The following ST6GALNAC5 variants were observed in gnomAD, a reference collection of about 807,000 sequenced individuals.
ST6GALNAC5 encodes the protein alpha-N-acetylgalactosaminide alpha-2,6-sialyltransferase 5.
In ST6GALNAC5, 27 loss-of-function variants were observed where a neutral mutation model predicts 33.6. The observed-to-expected ratio is 0.80, with a 90% CI of 0.59 to 1.11. The LOEUF (loss-of-function observed/expected upper bound fraction) is 1.11, where lower values mean the gene tolerates loss of function less well. ST6GALNAC5 is among the 50% of genes least tolerant of loss of function. The pLI is 0.00. For missense variants in ST6GALNAC5, 428 were observed against 454.0 expected, an observed-to-expected ratio of 0.94 and a Z score of 0.52; for synonymous variants, 194 against 171.2, an observed-to-expected ratio of 1.13 and a Z score of -1.04.
chr1:77,012,968 A>T, intron 2 of ST6GALNAC5, among the ~76,000 whole-genome samples: 1 of 152,150 alleles, frequency 6.6e-6, no homozygotes, highest in East Asian at 1.9e-4. Flanking sequence ...AAGGGTTGGG[A>T]AAGTCAAGTG....
intron 2 of ST6GALNAC5, among the ~76,000 whole-genome samples, chr1:76,894,455 G>C (rs114307432): frequency 2.0e-5 from 3 of 151,996 alleles, no homozygotes; most frequent in Non-Finnish European, 2.9e-5. Context: ...TAGCATGGGA[G>C]GTTGGAGCGC....
chr1:77,033,553 T>C (rs1651539728), intron 2 of ST6GALNAC5, among the ~76,000 whole-genome samples: 1 of 152,114 alleles, frequency 6.6e-6, no homozygotes, highest in Non-Finnish European at 1.5e-5. Context: ...TGTATTGGGC[T>C]CGGAAGAGGT....
chr1:76,968,095 G>C (rs146888972), intron 2 of ST6GALNAC5, among the ~76,000 whole-genome samples: 1 of 152,148 alleles, frequency 6.6e-6, no homozygotes, highest in Non-Finnish European at 1.5e-5. Flanking sequence ...CTGTCTATTA[G>C]GTCTGCTTGG....
At chr1:76,894,538 G>A (rs1009404674) in intron 2 of ST6GALNAC5, among the ~76,000 whole-genome samples, 3 of 152,118 alleles carry the variant, frequency 2.0e-5, no homozygotes, top group Non-Finnish European at 4.4e-5. Flanking sequence ...CCTTCCCTGA[G>A]GACTTGATAG....
chr1:77,017,502 C>T (rs1207060061), intron 2 of ST6GALNAC5, among the ~76,000 whole-genome samples: 1 of 152,156 alleles, frequency 6.6e-6, no homozygotes, highest in Non-Finnish European at 1.5e-5. Flanking sequence ...GCTGCTGCTC[C>T]GCTCTGCATG....
chr1:77,058,378 G>T (rs764346025), intron 4 of ST6GALNAC5, among the ~76,000 whole-genome samples: 3 of 152,228 alleles, frequency 2.0e-5, no homozygotes, highest in Non-Finnish European at 4.4e-5. Context: ...GGTCATGGGG[G>T]CAGATCCCTC....
At chr1:76,934,191 G>A (rs1361230164) in intron 2 of ST6GALNAC5, among the ~76,000 whole-genome samples, 2 of 151,984 alleles carry the variant, frequency 1.3e-5, no homozygotes, top group African/African-American at 2.4e-5. Context: ...TTCAAACTCC[G>A]GTAGCTTTTT....
At chr1:76,988,372 T>C (rs1649593241) in intron 2 of ST6GALNAC5, among the ~76,000 whole-genome samples, 1 of 152,132 alleles carries the variant, frequency 6.6e-6, no homozygotes, top group Non-Finnish European at 1.5e-5. Context: ...TCACTTTGTT[T>C]TCTCTGTGAA....
intron 2 of ST6GALNAC5, among the ~76,000 whole-genome samples, chr1:77,018,168 G>A (rs1650921266): frequency 1.3e-5 from 2 of 152,152 alleles, no homozygotes; most frequent in Non-Finnish European, 2.9e-5. Flanking sequence ...AAAAAAGAAA[G>A]CAGGAAGGAG....
At position 76,892,326 on chromosome 1, in the gene ST6GALNAC5, G is replaced by A. The variant is rs1157807747; in HGVS notation, c.261+23584G>A. On this transcript the variant is annotated intron_variant, in intron 2 of 4. Transcript: ENST00000477717. ...AAAAGGTTGCATTTTGCAATAAGCA[G>A]CAACACCTTAAGATAGATCTTAAAC... Among the ~76,000 whole-genome samples the A allele has an allele frequency of 2.0e-5, 3 of 152,282 alleles. No individual in the cohort carries two copies. In the East Asian group the frequency reaches 5.8e-4, roughly 29 times the overall value.
intron 2 of ST6GALNAC5, among the ~76,000 whole-genome samples, chr1:77,014,206 C>T (rs1264772972): frequency 6.6e-6 from 1 of 152,188 alleles, no homozygotes; most frequent in Non-Finnish European, 1.5e-5. Flanking sequence ...TTCGGCAGCT[C>T]AGATGTGGAG....
intron 2 of ST6GALNAC5, among the ~76,000 whole-genome samples, chr1:76,932,648 G>A (rs909484736): frequency 3.9e-5 from 6 of 152,006 alleles, no homozygotes; most frequent in Non-Finnish European, 5.9e-5. Flanking sequence ...AAGAGATTTC[G>A]GTTTGTGTCC....
chr1:76,867,483 T>TAAAAAAAAAA lies in ST6GALNAC5; in HGVS notation c.-193_-192insAAAAAAAAAA. 3 of 798,492 alleles carry TAAAAAAAAAA rather than the reference T, an allele frequency of 3.8e-6. No individual in the cohort carries two copies. Among genetic ancestry groups the TAAAAAAAAAA allele is most frequent in the African/African-American group, 3.5e-5 (2 of 57,366 alleles). 49.5% of individuals were successfully genotyped at this position (798,492 alleles called of 1,614,324 possible). On this transcript the variant is annotated 5_prime_UTR_variant, in exon 1 of 5. Coordinates refer to ENST00000477717, the MANE Select transcript of ST6GALNAC5 (RefSeq NM_030965.3). The stretch of plus-strand genomic sequence containing the variant: ...AGAGACTACGAGGGTCCGGTTCAGT[T>TAAAAAAAAAA]TTAATTCTGTCTCTAATCTCTGCAA...
chr1:77,041,250 G>A (rs1557771315), intron 2 of ST6GALNAC5, among the ~76,000 whole-genome samples: 1 of 152,160 alleles, frequency 6.6e-6, no homozygotes, highest in South Asian at 2.1e-4. Context: ...AGGCTTAAAT[G>A]TTCCCTCATC....
intron 2 of ST6GALNAC5, among the ~76,000 whole-genome samples, chr1:76,932,800 G>A (rs1226891557): frequency 6.6e-6 from 1 of 152,018 alleles, no homozygotes; most frequent in African/African-American, 2.4e-5. Context: ...TTTTACCTTA[G>A]TATAGTTAGA....
chr1:76,925,311 G>A (rs913554871), intron 2 of ST6GALNAC5, among the ~76,000 whole-genome samples: 8 of 151,968 alleles, frequency 5.3e-5, no homozygotes, highest in African/African-American at 1.7e-4. Flanking sequence ...TATCCAAACT[G>A]TATCACCTGG....
In ST6GALNAC5 at chr1:77,064,513, G is replaced by A. The variant is rs1242727510; in HGVS notation, c.*1307G>A. The A allele has an allele frequency of 6.6e-6, 1 of 151,908 alleles. No individual in the cohort carries two copies. The highest frequency in any genetic ancestry group is 6.6e-5 in the Admixed American group (1 of 15,244). 9.4% of individuals were successfully genotyped at this position (151,908 alleles called of 1,614,324 possible). On this transcript the variant is annotated 3_prime_UTR_variant, in exon 5 of 5. Transcript: ENST00000477717. ...TTCTGTGAGGAAAAGAGACTACAAG[G>A]ACATGCCCTATCATTCAACTCATTT...
At chr1:76,929,868 T>TG (rs776828660) in intron 2 of ST6GALNAC5, among the ~76,000 whole-genome samples, 11 of 152,104 alleles carry the variant, frequency 7.2e-5, no homozygotes, top group Non-Finnish European at 1.3e-4. Flanking sequence ...CCCAGCCCTT[T>TG]GGGAGGTCAA....
At chr1:76,889,502 C>A (rs1038061583) in intron 2 of ST6GALNAC5, among the ~76,000 whole-genome samples, 6 of 152,070 alleles carry the variant, frequency 3.9e-5, no homozygotes, top group African/African-American at 1.4e-4. Flanking sequence ...TTTATTTTGC[C>A]CACATCAGTT....
Sources: gnomAD v4.1 joint callset for allele counts (sites outside exome capture counted in the v4.1 genomes callset) on GRCh38, gnomAD v4.1.1 for gene constraint, MANE v1.5 for transcripts, NCBI Gene and HGNC (gene_info 2026-07-23, HGNC 2026-07-21) for gene names.